The following LY86 variants were observed in gnomAD, a reference collection of about 807,000 sequenced individuals.
The protein encoded by LY86 is MD-1, RP105-associated.
A neutral mutation model predicts 17.3 loss-of-function variants in LY86; 20 were observed. The observed-to-expected ratio is 1.15, with a 90% CI of 0.81 to 1.68. The LOEUF (loss-of-function observed/expected upper bound fraction) is 1.68. Ranked by LOEUF, LY86 falls within the 40% of genes most tolerant of loss-of-function variation. The probability of loss-of-function intolerance (pLI) is 0.00; values close to 1 mark genes in which losing one functional copy is unlikely to be tolerated. For missense variants in LY86, 200 were observed against 191.9 expected, an observed-to-expected ratio of 1.04 and a Z score of -0.25; for synonymous variants, 74 against 70.6, an observed-to-expected ratio of 1.05 and a Z score of -0.24.
At chr6:6,649,219 C>T (rs569828408) in intron 3 of LY86, among the ~76,000 whole-genome samples, 63 of 152,330 alleles carry the variant, frequency 4.1e-4, no homozygotes, top group African/African-American at 1.4e-3. Flanking sequence ...TATTCACTAT[C>T]GTGAGAACAT....
intron 4 of LY86, among the ~76,000 whole-genome samples, chr6:6,652,720 C>A (rs1762205963): frequency 6.6e-6 from 1 of 152,216 alleles, no homozygotes; most frequent in Non-Finnish European, 1.5e-5. Context: ...CCTTCCCTAC[C>A]CTGGCCTCCT....
At chr6:6,612,323 T>C (rs1000817673) in intron 1 of LY86, among the ~76,000 whole-genome samples, 9 of 152,220 alleles carry the variant, frequency 5.9e-5, no homozygotes, top group Admixed American at 5.2e-4. Flanking sequence ...GGCGTGAAAC[T>C]GCAGACCCTC....
At chr6:6,638,137 C>A (rs1761987395) in intron 3 of LY86, among the ~76,000 whole-genome samples, 1 of 152,094 alleles carries the variant, frequency 6.6e-6, no homozygotes, top group Non-Finnish European at 1.5e-5. Flanking sequence ...CTGGCCCCTG[C>A]AGCCATTAAG....
intron 3 of LY86, among the ~76,000 whole-genome samples, chr6:6,639,025 C>T (rs1762001339): frequency 6.6e-6 from 1 of 151,976 alleles, no homozygotes; most frequent in Admixed American, 6.5e-5. Context: ...TGGAACCAAC[C>T]CACATGTCCA....
At chr6:6,599,187 G>A (rs1406072943) in intron 1 of LY86, among the ~76,000 whole-genome samples, 2 of 152,320 alleles carry the variant, frequency 1.3e-5, no homozygotes, top group South Asian at 2.1e-4. Flanking sequence ...TAATGCTTGG[G>A]ACATGACCCA....
chr6:6,608,826 G>A (rs559688902), intron 1 of LY86, among the ~76,000 whole-genome samples: 2 of 152,370 alleles, frequency 1.3e-5, no homozygotes, highest in East Asian at 3.9e-4. Flanking sequence ...CAGGTCTGCG[G>A]GGGAAGGACG....
chr6:6,625,116 G>C (rs2233123), intron 2 of LY86, 104 bp downstream of exon 2: 6,826 of 561,978 alleles, frequency 0.012, 58 homozygotes, highest in Middle Eastern at 0.017. Context: ...CTAAACTACT[G>C]TTCCCTCACC....
chr6:6,626,177 A>G (rs1406050627), intron 2 of LY86, 116 bp from the exon 3 acceptor site: 5 of 1,001,668 alleles, frequency 5.0e-6, no homozygotes, highest in African/African-American at 3.2e-5. Context: ...TTCCCCACAC[A>G]GAGAAGATTA....
intron 1 of LY86, among the ~76,000 whole-genome samples, chr6:6,605,655 G>A (rs1761096570): frequency 6.6e-6 from 1 of 152,234 alleles, no homozygotes; most frequent in Non-Finnish European, 1.5e-5. Context: ...ATGTTCTACT[G>A]TGTCTGGAAT....
chr6:6,597,599 G>A (rs373428012), intron 1 of LY86, among the ~76,000 whole-genome samples: 4 of 152,312 alleles, frequency 2.6e-5, no homozygotes, highest in South Asian at 2.1e-4. Context: ...CAGAAGAAGC[G>A]TGGTGGGATC....
At chr6:6,649,741 A>AAAG in intron 4 of LY86, 64 bp downstream of exon 4, 2 of 932,098 alleles carry the variant, frequency 2.1e-6, no homozygotes, top group Middle Eastern at 2.6e-4. Context: ...AGAAGGCTAG[A>AAAG]AGGAGGGAAA....
intron 1 of LY86, among the ~76,000 whole-genome samples, chr6:6,603,093 T>C (rs1760964794): frequency 6.6e-6 from 1 of 152,118 alleles, no homozygotes; most frequent in Non-Finnish European, 1.5e-5. Flanking sequence ...GACTCTGTCC[T>C]TATATGGCAG....
At chr6:6,635,872 C>G (rs1761952433) in intron 3 of LY86, among the ~76,000 whole-genome samples, 1 of 152,240 alleles carries the variant, frequency 6.6e-6, no homozygotes, top group Non-Finnish European at 1.5e-5. Flanking sequence ...ATTATCCCCA[C>G]TGTCATTTTG....
chr6:6,630,974 T>C (rs1300698357), intron 3 of LY86, among the ~76,000 whole-genome samples: 1 of 152,202 alleles, frequency 6.6e-6, no homozygotes, highest in African/African-American at 2.4e-5. Flanking sequence ...ATCATTAATA[T>C]ATTATTTTAA....
intron 4 of LY86, among the ~76,000 whole-genome samples, chr6:6,653,474 C>A (rs1449157286): frequency 6.6e-6 from 1 of 152,180 alleles, no homozygotes; most frequent in East Asian, 1.9e-4. Context: ...CATCACCGCT[C>A]CGTGGCTGCT....
chr6:6,601,072 T>C (rs1164911212), intron 1 of LY86, among the ~76,000 whole-genome samples: 1 of 152,182 alleles, frequency 6.6e-6, no homozygotes, highest in Non-Finnish European at 1.5e-5. Flanking sequence ...CAGCGGCTGA[T>C]CAGAGTACAG....
intron 1 of LY86, among the ~76,000 whole-genome samples, chr6:6,600,522 A>G (rs1250765756): frequency 7.0e-6 from 1 of 142,758 alleles, no homozygotes; most frequent in Non-Finnish European, 1.5e-5. Context: ...CCCGGGAGGC[A>G]GAGGTTGCAG....
At chr6:6,602,507 T>C (rs1760941018) in intron 1 of LY86, among the ~76,000 whole-genome samples, 1 of 152,220 alleles carries the variant, frequency 6.6e-6, no homozygotes, top group Admixed American at 6.5e-5. Context: ...TAAATATTGC[T>C]TAAGTTTAGA....
chr6:6,601,162 ACT>A (rs200907924), intron 1 of LY86, among the ~76,000 whole-genome samples: 2,077 of 152,134 alleles, frequency 0.014, 46 homozygotes, highest in African/African-American at 0.047. Flanking sequence ...TGAACAGGAG[ACT>A]CTTACGTAAA....
Sources: gnomAD v4.1 joint callset for allele counts (sites outside exome capture counted in the v4.1 genomes callset) on GRCh38, gnomAD v4.1.1 for gene constraint, MANE v1.5 for transcripts, NCBI Gene and HGNC (gene_info 2026-07-23, HGNC 2026-07-21) for gene names.